Variants in RAB7A observed in about 807,000 individuals in gnomAD.
RAB7A encodes the protein ras-related protein Rab-7a.
In RAB7A, 2 loss-of-function variants were observed where a neutral mutation model predicts 24.5. That is an observed-to-expected ratio of 0.08 (90% CI 0.03 to 0.26). The LOEUF (loss-of-function observed/expected upper bound fraction) is 0.26. RAB7A is among the 10% of genes least tolerant of loss of function. RAB7A has a pLI of 1.00. For synonymous variants in RAB7A, 100 were observed against 95.9 expected, an observed-to-expected ratio of 1.04 and a Z score of -0.25; for missense variants, 118 against 255.7, an observed-to-expected ratio of 0.46 and a Z score of 3.67.
Position 128,776,945 on chromosome 3 carries a change from T to TACACACAC in RAB7A, c.-8-18380_-8-18373dup, listed in dbSNP as rs71153145. On this transcript the variant is annotated intron_variant, in intron 1 of 5. Transcript: ENST00000265062. ...GCATTTCCCTGATGATTAGTTGAGCTACACACACACACACACACACACACA... is the reference window on the plus strand; with the variant it reads ...GCATTTCCCTGATGATTAGTTGAGCTACACACACACACACACACACACACACACACACA... 9.3e-3 allele frequency among the ~76,000 whole-genome samples: 1,329 copies of TACACACAC among 142,430 alleles called. 14 individuals carry two copies. Among genetic ancestry groups the TACACACAC allele is most frequent in the Non-Finnish European group, 0.014 (921 of 65,096 alleles). 93.4% of individuals were successfully genotyped at this position (142,430 alleles called of 152,430 possible). A position where few individuals can be genotyped will look rare whatever the true frequency, so the allele number is the denominator to read the frequency against.
intron 1 of RAB7A, among the ~76,000 whole-genome samples, chr3:128,778,344 T>C (rs1480656781): frequency 1.3e-5 from 2 of 152,208 alleles, no homozygotes; most frequent in Non-Finnish European, 2.9e-5. Flanking sequence ...TAAGCCTTTT[T>C]AGACCTTTTT....
intron 1 of RAB7A, among the ~76,000 whole-genome samples, chr3:128,772,783 G>T (rs1437633465): frequency 6.6e-6 from 1 of 152,256 alleles, no homozygotes; most frequent in Non-Finnish European, 1.5e-5. Flanking sequence ...GTGGAGACGG[G>T]GTTTCGCTGT....
chr3:128,750,777 G>A (rs1032864426), intron 1 of RAB7A, among the ~76,000 whole-genome samples: 44 of 152,332 alleles, frequency 2.9e-4, no homozygotes, highest in African/African-American at 9.4e-4. Flanking sequence ...TGGGGAAAAT[G>A]TCTCCAGGGC....
At chr3:128,749,357 T>G (rs767699767) in intron 1 of RAB7A, 3 of 152,248 alleles carry the variant, frequency 2.0e-5, no homozygotes, top group Non-Finnish European at 4.4e-5. Context: ...GTATAGTCTC[T>G]GGAGGCTGGA....
At chr3:128,808,120 G>T (rs149759461) in intron 5 of RAB7A, among the ~76,000 whole-genome samples, 2,397 of 152,270 alleles carry the variant, frequency 0.016, 29 homozygotes, top group Middle Eastern at 0.068. Context: ...ACTTTGGGAG[G>T]CCAAGGCGGG....
At chr3:128,804,111 TG>T (rs1553722979) in intron 3 of RAB7A, among the ~76,000 whole-genome samples, 4 of 148,622 alleles carry the variant, frequency 2.7e-5, no homozygotes, top group African/African-American at 1.0e-4. Flanking sequence ...GGGACCTCCC[TG>T]GGCCCCCCCC....
intron 1 of RAB7A, among the ~76,000 whole-genome samples, chr3:128,733,389 A>G (rs926062092): frequency 6.6e-6 from 1 of 152,180 alleles, no homozygotes; most frequent in Non-Finnish European, 1.5e-5. Context: ...TGGAGTTTCC[A>G]TTGCTCAGTA....
At chr3:128,740,897 CAAAAAAAAAAAAA>C (rs59043831) in intron 1 of RAB7A, among the ~76,000 whole-genome samples, 142 of 79,606 alleles carry the variant, frequency 1.8e-3, no homozygotes, top group African/African-American at 4.5e-3. Flanking sequence ...GGAGATGTCT[CAAAAAAAAAAAAA>C]AAAAAAAAAA....
At position 128,766,968 on chromosome 3, in the gene RAB7A, G is replaced by GT. The variant is rs796473784; in HGVS notation, c.-8-28381dup. Among the ~76,000 whole-genome samples the GT allele has an allele frequency of 5.9e-3, 874 of 147,266 alleles. 7 individuals are homozygous for GT. The highest frequency in any genetic ancestry group is 0.016 in the African/African-American group (652 of 40,380). On this transcript the variant is annotated intron_variant, in intron 1 of 5. Coordinates refer to ENST00000265062, the MANE Select transcript of RAB7A (RefSeq NM_004637.6). ...ACATGCTCGTCAAAACTCGTTTTCT[G>GT]TTTTTTTTTTTAATTCTAGTGGTCC...
chr3:128,746,720 G>A (rs1431615745), intron 1 of RAB7A, among the ~76,000 whole-genome samples: 3 of 151,562 alleles, frequency 2.0e-5, no homozygotes, highest in Non-Finnish European at 4.4e-5. Flanking sequence ...TAGTAGAGAC[G>A]GGGTTTCACC....
intron 1 of RAB7A, among the ~76,000 whole-genome samples, chr3:128,783,876 G>A (rs770905037): frequency 6.6e-6 from 1 of 152,154 alleles, no homozygotes; most frequent in South Asian, 2.1e-4. Flanking sequence ...GGCATTGCAC[G>A]TTCAGCTGTT....
At chr3:128,801,587 T>C (rs1009422309) in intron 3 of RAB7A, among the ~76,000 whole-genome samples, 6 of 152,096 alleles carry the variant, frequency 3.9e-5, no homozygotes, top group African/African-American at 1.4e-4. Flanking sequence ...TCAATGAAAT[T>C]TGGAAATTCA....
intron 1 of RAB7A, among the ~76,000 whole-genome samples, chr3:128,763,163 G>A (rs971611810): frequency 1.9e-4 from 27 of 144,642 alleles, no homozygotes; most frequent in African/African-American, 6.8e-4. Context: ...TGGAAGTTGG[G>A]TCTAAAGGCT....
At chr3:128,763,206 ATATTTT>A (rs2070790029) in intron 1 of RAB7A, among the ~76,000 whole-genome samples, 1 of 100,492 alleles carries the variant, frequency 1.0e-5, no homozygotes, top group Non-Finnish European at 1.8e-5. Context: ...ATATATATAT[ATATTTT>A]TTTTTTTTTT....
At chr3:128,773,238 G>T (rs533714906) in intron 1 of RAB7A, among the ~76,000 whole-genome samples, 1 of 151,230 alleles carries the variant, frequency 6.6e-6, no homozygotes, top group African/African-American at 2.4e-5. Context: ...CCCTCCGCCC[G>T]GCAGCCGCCC....
At chr3:128,812,048 G>C (rs895315366) in intron 5 of RAB7A, among the ~76,000 whole-genome samples, 1 of 151,986 alleles carries the variant, frequency 6.6e-6, no homozygotes, top group African/African-American at 2.4e-5. Context: ...TTTTTTGGGG[G>C]GTGATGAGAG....
chr3:128,789,759 C>G (rs1933415495), intron 1 of RAB7A, among the ~76,000 whole-genome samples: 1 of 150,402 alleles, frequency 6.6e-6, no homozygotes, highest in South Asian at 2.1e-4. Flanking sequence ...CTTCTTGTAG[C>G]AAAAGTTGCA....
chr3:128,743,797 T>C (rs1204760005), intron 1 of RAB7A, among the ~76,000 whole-genome samples: 1 of 151,572 alleles, frequency 6.6e-6, no homozygotes, highest in African/African-American at 2.4e-5. Context: ...TCTCTCTTTT[T>C]TTTTTTTTTT....
chr3:128,768,969 CTTTTTTTTTTTTTTT>C (rs35457218), intron 1 of RAB7A, among the ~76,000 whole-genome samples: 4 of 72,606 alleles, frequency 5.5e-5, no homozygotes, highest in Non-Finnish European at 9.5e-5. Context: ...TCTTTCTTTC[CTTTTTTTTTTTTTTT>C]TTTTTTTTTT....
Sources: allele counts gnomAD v4.1 joint callset (sites outside exome capture counted in the v4.1 genomes callset), GRCh38; gene constraint gnomAD v4.1.1; transcripts MANE v1.5; gene names NCBI Gene and HGNC (gene_info 2026-07-23, HGNC 2026-07-21).